The following NFKBIA variants were observed in gnomAD, a reference collection of about 807,000 sequenced individuals.
The protein encoded by NFKBIA is NFKB inhibitor alpha, also known as NF-kappa-B inhibitor alpha.
Under a neutral mutation model 36.3 loss-of-function variants are expected in NFKBIA, and 10 were observed. That is an observed-to-expected ratio of 0.28 (90% CI 0.17 to 0.47). The LOEUF (loss-of-function observed/expected upper bound fraction) is 0.47, where lower values mean the gene tolerates loss of function less well. Ranked by LOEUF, NFKBIA falls within the 20% of genes least tolerant of loss-of-function variation. The pLI, the probability that NFKBIA is intolerant of heterozygous loss-of-function variation, is 0.99. For missense variants in NFKBIA, 355 were observed against 399.3 expected (o/e 0.89, Z 0.94); for synonymous variants, 205 against 164.4 (o/e 1.25, Z -1.89).
intron 1 of NFKBIA, 74 bp from the exon 2 acceptor site, chr14:35,403,872 G>T: frequency 8.9e-7 from 1 of 1,123,146 alleles, no homozygotes; most frequent in Non-Finnish European, 1.3e-6. Flanking sequence ...GCGGGCTGCG[G>T]GGGATTGCGC....
Position 35,402,693 on chromosome 14 carries a change from T to C in NFKBIA, c.637-30A>G, listed in dbSNP as rs8192286. On this transcript the variant is annotated intron_variant, in intron 4 of 5. Coordinates refer to ENST00000216797, the MANE Select transcript of NFKBIA (RefSeq NM_020529.3). ...AACCAAAAGGAATTTGAGATGCTTA[T>C]GGCTGCATTTGGAATTTCTGCTCAC... 2.0e-5 allele frequency: 33 copies of C among 1,614,114 alleles called. No individual in the cohort carries two copies. The East Asian group carries it at 6.5e-4, about 32-fold the overall frequency.
chr14:35,402,960 G>T, intron 3 of NFKBIA, 101 bp from the exon 4 acceptor site: 1 of 1,334,036 alleles, frequency 7.5e-7, no homozygotes, highest in Non-Finnish European at 1.1e-6. Flanking sequence ...TGAATTTTAA[G>T]AACCCACAGT....
At chr14:35,402,749 G>A (rs374794247) in intron 4 of NFKBIA, 22 bp downstream of exon 4, 101 of 1,613,666 alleles carry the variant, frequency 6.3e-5, no homozygotes, top group Non-Finnish European at 7.8e-5. Context: ...GACTCAGTGC[G>A]TCGGGGGCAG....
chr14:35,402,703 T>C (rs2052740713), intron 4 of NFKBIA, 40 bp from the exon 5 acceptor site: 1 of 1,614,198 alleles, frequency 6.2e-7, no homozygotes, highest in Non-Finnish European at 8.5e-7. Flanking sequence ...TGGCTGCATT[T>C]GGAATTTCTG....
rs772702898 is a variant in NFKBIA at position 35,403,798 on chromosome 14, C to T, written c.228G>A (p.Ser76=). The T allele has an allele frequency of 1.4e-5, 23 of 1,612,032 alleles. No homozygotes were observed. In the South Asian group the frequency reaches 2.5e-4, roughly 18 times the overall value. The change falls in exon 2 of 6, where the codon TCG becomes TCA. Residue 76 remains serine (S), a splice_region_variant and synonymous_variant. Coordinates refer to ENST00000216797, the MANE Select transcript of NFKBIA (RefSeq NM_020529.3). ...CATGGATGATGGCCAAGTGCAGGAA[C>T]CTGTGGGGAAGAGAGGGAAAAACCC... The part of the protein sequence containing the change: ...WKQQLTEDGD[S]FLHLAIIHEE...
intron 3 of NFKBIA, 134 bp from the exon 4 acceptor site, chr14:35,402,993 A>G (rs2052744574): frequency 8.2e-7 from 1 of 1,226,138 alleles, no homozygotes; most frequent in Non-Finnish European, 1.2e-6. Flanking sequence ...AGAACTTTAT[A>G]AAGGCATCCA....
Position 35,401,744 on chromosome 14 carries a change from T to C in NFKBIA, c.*269A>G. Reference sequence around the variant, plus strand: ...AAATGTGGTCCTTCCATGAAATTTTTGATAACCTTCTCCAAAAACCCCACA... The same window carrying C: ...AAATGTGGTCCTTCCATGAAATTTTCGATAACCTTCTCCAAAAACCCCACA... On this transcript the variant is annotated 3_prime_UTR_variant, in exon 6 of 6. Transcript: ENST00000216797. The C allele has an allele frequency of 1.9e-6, 1 of 526,678 alleles. No individual in the cohort carries two copies. The highest frequency in any genetic ancestry group is 3.3e-5 in the Admixed American group (1 of 30,218). 32.6% of individuals were successfully genotyped at this position (526,678 alleles called of 1,614,324 possible). A position where few individuals can be genotyped will look rare whatever the true frequency, so the allele number is the denominator to read the frequency against.
chr14:35,403,473 G>GCTC, intron 2 of NFKBIA, 113 bp from the exon 3 acceptor site: 1 of 1,198,030 alleles, frequency 8.3e-7, no homozygotes, highest in Non-Finnish European at 1.2e-6. Flanking sequence ...CAGGGGGGTG[G>GCTC]GGAGGGCTGG....
At chr14:35,403,987 G>T in intron 1 of NFKBIA, 189 bp from the exon 2 acceptor site, 1 of 601,206 alleles carries the variant, frequency 1.7e-6, no homozygotes, top group Non-Finnish European at 3.0e-6. Flanking sequence ...CCCTCCCCCC[G>T]CGGCCCCGGC....
rs1273911914 is a variant in NFKBIA, at chr14:35,401,720, A to C, written c.*293T>G. 2 of 498,762 alleles carry C rather than the reference A, an allele frequency of 4.0e-6. No homozygotes were observed. The highest frequency in any genetic ancestry group is 7.2e-6 in the Non-Finnish European group (2 of 278,666). 30.9% of individuals were successfully genotyped at this position (498,762 alleles called of 1,614,324 possible). Reference sequence around the variant, plus strand: ...GTCACTCGAAGCACAATAAATATAAAATGTGGTCCTTCCATGAAATTTTTG... The same window carrying C: ...GTCACTCGAAGCACAATAAATATAACATGTGGTCCTTCCATGAAATTTTTG... On this transcript the variant is annotated 3_prime_UTR_variant, in exon 6 of 6. Transcript: ENST00000216797.
At position 35,402,826 on chromosome 14, in the gene NFKBIA, C is replaced by G. The variant is rs148656104; in HGVS notation, c.581G>C (p.Gly194Ala). Residue 194 changes from glycine (G) to alanine (A), a missense_variant, in exon 4 of 6, where the codon GGC becomes GCC. Transcript: ENST00000216797. Reference sequence around the variant, plus strand: ...CAAAAGCTCCACGATGCCCAGGTAGCCATGGATAGAGGCTAAGTGTAGACA... The same window carrying G: ...CAAAAGCTCCACGATGCCCAGGTAGGCATGGATAGAGGCTAAGTGTAGACA... The part of the protein sequence containing the change: ...HTCLHLASIH[G>A]YLGIVELLVS... 4.7e-4 allele frequency: 761 copies of G among 1,614,134 alleles called. 1 individual carries two copies. The African/African-American group carries it at 8.7e-3, about 19-fold the overall frequency.
rs1366062698 is a variant in NFKBIA, at chr14:35,402,563, ACT to A, written c.735_736del (p.Arg245SerfsTer39). 2 of 1,614,170 alleles carry A rather than the reference ACT, an allele frequency of 1.2e-6. No homozygotes were observed. The highest frequency in any genetic ancestry group is 1.3e-5 in the African/African-American group (1 of 75,028). ...GTAGGGAGAATAGCCCTGGTAGGTA[ACT>A]CTGTTGACATCAGCCCCACACTTCA... On this transcript the variant is annotated frameshift_variant, in exon 5 of 6. Coordinates refer to ENST00000216797, the MANE Select transcript of NFKBIA (RefSeq NM_020529.3). LOFTEE classifies it high-confidence loss of function.
rs1480149752 is a variant in NFKBIA, at chr14:35,404,741, G to A, written c.-97C>T. The stretch of plus-strand genomic sequence containing the variant: ...CGCTGGCGGGCGGGACGGCGGCACG[G>A]ACTGCTGTGGGCTCTGCAGCGCCGC... On this transcript the variant is annotated 5_prime_UTR_variant, in exon 1 of 6. Transcript: ENST00000216797. The A allele has an allele frequency of 1.3e-5, 11 of 833,428 alleles. No homozygotes were observed. The highest frequency in any genetic ancestry group is 1.7e-5 in the Non-Finnish European group (10 of 604,856). 51.6% of individuals were successfully genotyped at this position (833,428 alleles called of 1,614,324 possible).
chr14:35,403,398 G>T, intron 2 of NFKBIA, 38 bp from the exon 3 acceptor site: 1 of 1,607,470 alleles, frequency 6.2e-7, no homozygotes, highest in South Asian at 1.1e-5. Context: ...GTAAGCCATG[G>T]ACCAAACCCA....
In NFKBIA at chr14:35,403,310, T is replaced by A. The variant is rs1425907048; in HGVS notation, c.387A>T (p.Ala129=). The A allele has an allele frequency of 6.2e-7, 1 of 1,614,028 alleles. No individual in the cohort carries two copies. Among genetic ancestry groups the A allele is most frequent in the African/African-American group, 1.3e-5 (1 of 75,016 alleles). Residue 129 remains alanine (A), a synonymous_variant, in exon 3 of 6, where the codon GCA becomes GCT. Transcript: ENST00000216797. ...VITNQPEIAE[A]LLGAGCDPEL... ...CAGGATCACAGCCAGCTCCCAGAAG[T>A]GCCTCAGCAATTTCTGGCTGGTTGG...
In NFKBIA at chr14:35,401,674, C is replaced by A; in HGVS notation, c.*339G>T. 2.4e-6 allele frequency: 1 copy of A among 422,402 alleles called. No individual in the cohort carries two copies. Among genetic ancestry groups the A allele is most frequent in the Non-Finnish European group, 4.3e-6 (1 of 231,982 alleles). 26.2% of individuals were successfully genotyped at this position (422,402 alleles called of 1,614,324 possible). A position where few individuals can be genotyped will look rare whatever the true frequency, so the allele number is the denominator to read the frequency against. On this transcript the variant is annotated 3_prime_UTR_variant, in exon 6 of 6. Coordinates refer to ENST00000216797, the MANE Select transcript of NFKBIA (RefSeq NM_020529.3). ...CTTAACACTCCTGGCTGTTACATGT[C>A]ACAGGATACCACTGGGGTCAGTCAC...
rs2052753964 is a variant in NFKBIA at position 35,403,678 on chromosome 14, C to A, written c.336+12G>T. 1.3e-6 allele frequency: 2 copies of A among 1,599,816 alleles called. No individual in the cohort carries two copies. Among genetic ancestry groups the A allele is most frequent in the Non-Finnish European group, 8.6e-7 (1 of 1,168,052 alleles). Reference sequence around the variant, plus strand: ...AGGGTCAGAGAGAACCCGGGCCAGGCAAGCGGCGCACCTGCTGCAGGTTGT... The same window carrying A: ...AGGGTCAGAGAGAACCCGGGCCAGGAAAGCGGCGCACCTGCTGCAGGTTGT... On this transcript the variant is annotated intron_variant, in intron 2 of 5. Coordinates refer to ENST00000216797, the MANE Select transcript of NFKBIA (RefSeq NM_020529.3).
chr14:35,403,260 G>A lies in NFKBIA; in HGVS notation c.437C>T (p.Thr146Ile), dbSNP rs753691609. The A allele has an allele frequency of 4.5e-5, 73 of 1,613,506 alleles. No homozygotes were observed. The highest frequency in any genetic ancestry group is 5.7e-5 in the Non-Finnish European group (67 of 1,180,028). ...DPELRDFRGN[T>I]PLHLACEQGC... ...CTGCTCACAGGCAAGGTGTAGGGGG[G>A]TATTTCCTCGAAAGTCTCGGAGCTC... is the stretch of plus-strand genomic sequence containing the variant. Residue 146 changes from threonine to isoleucine, a missense_variant, in exon 3 of 6, where the codon ACC becomes ATC. Transcript: ENST00000216797.
At position 35,403,139 on chromosome 14, in the gene NFKBIA, G is replaced by A. The variant is rs1285955419; in HGVS notation, c.547+11C>T. On this transcript the variant is annotated intron_variant, in intron 3 of 5. Coordinates refer to ENST00000216797, the MANE Select transcript of NFKBIA (RefSeq NM_020529.3). ...CCGAGGGGGTGGGGCAGGGCAGGGA[G>A]GCAGACATACCATTGTAGTTGGTAG... 1 of 1,608,562 alleles carries A rather than the reference G, an allele frequency of 6.2e-7. No homozygotes were observed. Among genetic ancestry groups the A allele is most frequent in the African/African-American group, 1.3e-5 (1 of 74,842 alleles).
Sources: allele counts gnomAD v4.1 joint callset, GRCh38; gene constraint gnomAD v4.1.1; transcripts MANE v1.5; gene names NCBI Gene and HGNC (gene_info 2026-07-23, HGNC 2026-07-21).